The following DDX46 variants were observed in gnomAD, a reference collection of about 807,000 sequenced individuals.
DDX46 encodes probable ATP-dependent RNA helicase DDX46.
A neutral mutation model predicts 134.9 loss-of-function variants in DDX46; 30 were observed. The observed-to-expected ratio is 0.22, with a 90% CI of 0.17 to 0.30. The LOEUF (loss-of-function observed/expected upper bound fraction) is 0.30. DDX46 is among the 10% of genes least tolerant of loss of function. The pLI is 1.00. For missense variants in DDX46, 622 were observed against 1,248.7 expected (o/e 0.50, Z 7.56); for synonymous variants, 415 against 404.1 (o/e 1.03, Z -0.32).
At chr5:134,763,782 A>G in intron 1 of DDX46, 122 bp from the exon 2 acceptor site, 1 of 1,191,242 alleles carries the variant, frequency 8.4e-7, no homozygotes. Flanking sequence ...TTTTAGAAAA[A>G]TTCATAAAAA....
intron 12 of DDX46, chr5:134,790,010 A>G: frequency 2.2e-6 from 1 of 451,386 alleles, no homozygotes; most frequent in Non-Finnish European, 4.5e-6. Context: ...GTAGGTTATA[A>G]AATAATATAG....
intron 17 of DDX46, 83 bp downstream of exon 17, chr5:134,811,441 T>G: frequency 1.3e-6 from 2 of 1,519,708 alleles, no homozygotes; most frequent in Non-Finnish European, 1.8e-6. Context: ...AATCTTTTAT[T>G]TAACACTTGA....
intron 21 of DDX46, 77 bp downstream of exon 21, chr5:134,819,081 T>C (rs1755368874): frequency 6.6e-7 from 1 of 1,505,446 alleles, no homozygotes; most frequent in Non-Finnish European, 8.9e-7. Context: ...AAAGAGCATG[T>C]GAGGTCAATT....
intron 15 of DDX46, among the ~76,000 whole-genome samples, chr5:134,801,479 C>T (rs1056507568): frequency 3.3e-5 from 5 of 152,100 alleles, no homozygotes; most frequent in African/African-American, 4.8e-5. Context: ...CTCACTGCAA[C>T]GTCTACCTCC....
At chr5:134,799,692 T>C (rs1006747557) in intron 15 of DDX46, among the ~76,000 whole-genome samples, 2 of 149,210 alleles carry the variant, frequency 1.3e-5, no homozygotes. Flanking sequence ...AAGCAGAGAT[T>C]GCACCATTGC....
intron 15 of DDX46, among the ~76,000 whole-genome samples, chr5:134,803,731 C>T (rs747919875): frequency 2.0e-5 from 3 of 151,936 alleles, no homozygotes; most frequent in Non-Finnish European, 4.4e-5. Flanking sequence ...TGTTACCTGC[C>T]GGAGGGATTG....
In DDX46 at chr5:134,764,213, T is replaced by C. The variant is rs114725464; in HGVS notation, c.206+121T>C. The C allele has an allele frequency of 9.2e-3, 8,204 of 894,100 alleles. 52 individuals carry two copies. The highest frequency in any genetic ancestry group is 0.012 in the Non-Finnish European group (7,438 of 603,312). The allele number at this position is 894,100 out of a possible 1,614,324, so 55.4% of individuals were successfully genotyped here. A position where few individuals can be genotyped will look rare whatever the true frequency, so the allele number is the denominator to read the frequency against. On this transcript the variant is annotated intron_variant, in intron 2 of 22. Coordinates refer to ENST00000452510, the MANE Select transcript of DDX46 (RefSeq NM_001300860.2). ...GTGGCCCAATTGCAGGCCCTTTTCT[T>C]TATCCCCTACTTGTTTGATTAGACC...
At chr5:134,817,249 A>G (rs371915040) in intron 19 of DDX46, 24 of 427,560 alleles carry the variant, frequency 5.6e-5, no homozygotes, top group East Asian at 3.2e-4. Flanking sequence ...CTACATCTCT[A>G]TGATCTAGTA....
rs753835592 is a variant in DDX46 at position 134,784,396 on chromosome 5, A to G, written c.1197A>G (p.Gln399=). The G allele has an allele frequency of 2.0e-5, 33 of 1,612,480 alleles. No homozygotes were observed. The highest frequency in any genetic ancestry group is 2.6e-5 in the Non-Finnish European group (31 of 1,179,614). Residue 399 remains glutamine (Q), a synonymous_variant, in exon 10 of 23, where the codon CAA becomes CAG. Transcript: ENST00000452510. The part of the protein sequence containing the change: ...KHGYEKPTPI[Q]TQAIPAIMSG... ...GCTATGAAAAGCCCACGCCCATCCAAACCCAAGCTATTCCTGCTATAATGT... is the reference window on the plus strand; with the variant it reads ...GCTATGAAAAGCCCACGCCCATCCAGACCCAAGCTATTCCTGCTATAATGT...
chr5:134,763,140 G>C (rs1753448187), intron 1 of DDX46, among the ~76,000 whole-genome samples: 1 of 152,140 alleles, frequency 6.6e-6, no homozygotes. Context: ...GCTGAAGTGG[G>C]AGGATTGCTT....
intron 21 of DDX46, among the ~76,000 whole-genome samples, chr5:134,825,294 TC>T (rs1755560008): frequency 1.3e-5 from 2 of 152,232 alleles, no homozygotes; most frequent in Admixed American, 1.3e-4. Flanking sequence ...CTTCTTTTTC[TC>T]TTCCCTTCCA....
At chr5:134,780,087 GA>G (rs1754085376) in intron 6 of DDX46, among the ~76,000 whole-genome samples, 1 of 140,510 alleles carries the variant, frequency 7.1e-6, no homozygotes, top group Non-Finnish European at 1.5e-5. Flanking sequence ...GACTCAGTCT[GA>G]AAAAAATATA....
chr5:134,822,272 T>C (rs1755476927), intron 21 of DDX46, among the ~76,000 whole-genome samples: 1 of 152,230 alleles, frequency 6.6e-6, no homozygotes, highest in Admixed American at 6.5e-5. Context: ...TTTAATACTA[T>C]ACAAAAATTT....
intron 20 of DDX46, 81 bp from the exon 21 acceptor site, chr5:134,818,779 C>A: frequency 3.3e-6 from 4 of 1,219,370 alleles, no homozygotes; most frequent in Non-Finnish European, 2.3e-6. Context: ...ATGATATCAG[C>A]CAGCCTAGTC....
At chr5:134,792,788 C>T (rs1021565477) in intron 13 of DDX46, among the ~76,000 whole-genome samples, 1 of 152,098 alleles carries the variant, frequency 6.6e-6, no homozygotes, top group Non-Finnish European at 1.5e-5. Flanking sequence ...TGCTTAGGTA[C>T]ATGTATGTGC....
At chr5:134,802,710 A>C (rs1002673596) in intron 15 of DDX46, among the ~76,000 whole-genome samples, 1 of 151,950 alleles carries the variant, frequency 6.6e-6, no homozygotes, top group Non-Finnish European at 1.5e-5. Flanking sequence ...ATCTTTGTTA[A>C]TTTTAACATC....
chr5:134,807,982 A>G, intron 16 of DDX46, 41 bp downstream of exon 16: 1 of 1,526,900 alleles, frequency 6.5e-7, no homozygotes, highest in East Asian at 2.3e-5. Flanking sequence ...ATTATATTAA[A>G]ATACAGGTGT....
Position 134,764,949 on chromosome 5 carries a change from G to C in DDX46, c.206+857G>C, listed in dbSNP as rs934622130. Among the ~76,000 whole-genome samples, 5 of 150,810 alleles carry C rather than the reference G, an allele frequency of 3.3e-5. No individual in the cohort carries two copies. In the East Asian group the frequency reaches 9.7e-4, roughly 29 times the overall value. On this transcript the variant is annotated intron_variant, in intron 2 of 22. Transcript: ENST00000452510. ...TTCATTTTGCTAAACAGTGTGTTTA[G>C]AGCAGCCTCTAAAGCAGGCAGAAAA...
intron 20 of DDX46, 143 bp from the exon 21 acceptor site, chr5:134,818,717 A>T: frequency 2.0e-6 from 1 of 505,020 alleles, no homozygotes; most frequent in Non-Finnish European, 3.0e-6. Context: ...AGAAAAAAAA[A>T]AAAGAATATA....
Sources: gnomAD v4.1 joint callset for allele counts (sites outside exome capture counted in the v4.1 genomes callset) on GRCh38, gnomAD v4.1.1 for gene constraint, MANE v1.5 for transcripts, NCBI Gene and HGNC (gene_info 2026-07-23, HGNC 2026-07-21) for gene names.